The following ATP10B variants were observed in gnomAD, a reference collection of about 807,000 sequenced individuals.
ATP10B encodes the protein phospholipid-transporting ATPase VB.
Under a neutral mutation model 141.2 loss-of-function variants are expected in ATP10B, and 122 were observed. The observed-to-expected ratio is 0.86, with a 90% CI of 0.75 to 1.00. The LOEUF (loss-of-function observed/expected upper bound fraction) is 1.00. ATP10B is among the 50% of genes least tolerant of loss of function. The probability of loss-of-function intolerance (pLI) is 0.00; values close to 1 mark genes in which losing one functional copy is unlikely to be tolerated. For synonymous variants in ATP10B, 685 were observed against 692.0 expected, an observed-to-expected ratio of 0.99 and a Z score of 0.16; for missense variants, 1,876 against 1,825.3, an observed-to-expected ratio of 1.03 and a Z score of -0.51.
intron 21 of ATP10B, among the ~76,000 whole-genome samples, chr5:160,601,674 AAGGCC>A (rs999786252): frequency 7.9e-5 from 12 of 152,186 alleles, no homozygotes; most frequent in Non-Finnish European, 5.9e-5. Context: ...CTCTGACACT[AAGGCC>A]TCTTGACACA....
chr5:160,806,797 G>A (rs1206914100), intron 1 of ATP10B, among the ~76,000 whole-genome samples: 1 of 152,202 alleles, frequency 6.6e-6, no homozygotes, highest in African/African-American at 2.4e-5. Flanking sequence ...GTAAATGGCA[G>A]AGTAAAGACT....
chr5:160,847,682 T>C (rs1048611133), intron 1 of ATP10B, among the ~76,000 whole-genome samples: 2 of 152,222 alleles, frequency 1.3e-5, no homozygotes, highest in African/African-American at 4.8e-5. Flanking sequence ...TTTCTTATTA[T>C]TGTGTCAAGT....
chr5:160,688,420 T>C (rs60479144), intron 4 of ATP10B, among the ~76,000 whole-genome samples: 1,664 of 152,182 alleles, frequency 0.011, 35 homozygotes, highest in African/African-American at 0.038. Context: ...CATGGGAGCA[T>C]TGAAGTGGGT....
intron 3 of ATP10B, among the ~76,000 whole-genome samples, chr5:160,699,276 T>G (rs913626415): frequency 6.6e-6 from 1 of 152,240 alleles, no homozygotes; most frequent in Non-Finnish European, 1.5e-5. Flanking sequence ...TGATTTCACT[T>G]AAAAATTGTT....
intron 13 of ATP10B, among the ~76,000 whole-genome samples, chr5:160,623,763 C>G (rs1257323953): frequency 6.6e-6 from 1 of 152,220 alleles, no homozygotes. Flanking sequence ...GCAGTGAGAT[C>G]TTAACCAGAG....
At chr5:160,912,414 C>CAAAAAAAAA in the ATP10B span, among the ~76,000 whole-genome samples, 1 of 88,910 alleles carries the variant, frequency 1.1e-5, no homozygotes, top group African/African-American at 3.8e-5. Context: ...CTGTTTCTAC[C>CAAAAAAAAA]AAAAAAAAAA....
chr5:160,568,824 T>C (rs1159638933), intron 25 of ATP10B, among the ~76,000 whole-genome samples: 10 of 152,254 alleles, frequency 6.6e-5, no homozygotes, highest in Non-Finnish European at 1.5e-5. Flanking sequence ...TTATAGTTGC[T>C]GTTGCTATTT....
intron 19 of ATP10B, among the ~76,000 whole-genome samples, chr5:160,605,407 G>T (rs1392715804): frequency 2.6e-5 from 4 of 152,160 alleles, no homozygotes; most frequent in African/African-American, 9.7e-5. Flanking sequence ...TTCTGTTAGT[G>T]AGCCAGGAGA....
intron 2 of ATP10B, among the ~76,000 whole-genome samples, chr5:160,738,449 T>C (rs1286224603): frequency 6.6e-6 from 1 of 151,922 alleles, no homozygotes; most frequent in African/African-American, 2.4e-5. Context: ...GCATAAGAAA[T>C]GGAGATAAAA....
chr5:160,822,437 A>G (rs1349382612), intron 1 of ATP10B, among the ~76,000 whole-genome samples: 5 of 152,168 alleles, frequency 3.3e-5, no homozygotes, highest in Non-Finnish European at 5.9e-5. Flanking sequence ...TAAAACCACT[A>G]TGGAGAACAG....
At chr5:160,872,357 G>T in the ATP10B span, among the ~76,000 whole-genome samples, 2 of 152,110 alleles carry the variant, frequency 1.3e-5, no homozygotes, top group South Asian at 4.1e-4. Flanking sequence ...TGTTCCTTTT[G>T]CCAAGCAAAA....
At chr5:160,695,692 C>A (rs566521057) in intron 3 of ATP10B, among the ~76,000 whole-genome samples, 2 of 152,118 alleles carry the variant, frequency 1.3e-5, no homozygotes, top group Admixed American at 1.3e-4. Context: ...ACCCAATTCT[C>A]TAAAAAGCAT....
chr5:160,719,954 T>C (rs1239561595), intron 2 of ATP10B, among the ~76,000 whole-genome samples: 1 of 152,226 alleles, frequency 6.6e-6, no homozygotes, highest in African/African-American at 2.4e-5. Context: ...TTATGGTGGT[T>C]AGACTTTTTC....
the ATP10B span, among the ~76,000 whole-genome samples, chr5:160,894,450 A>G: frequency 6.6e-6 from 1 of 151,934 alleles, no homozygotes; most frequent in Admixed American, 6.6e-5. Flanking sequence ...AAGAAAGGAT[A>G]TCAGAGACTG....
chr5:160,577,891 G>A (rs1755298401), intron 24 of ATP10B, among the ~76,000 whole-genome samples: 1 of 151,738 alleles, frequency 6.6e-6, no homozygotes. Flanking sequence ...TCTGTTTTGA[G>A]CAAAGTTTTA....
chr5:160,691,833 A>C (rs1764092938), intron 3 of ATP10B: 1 of 152,192 alleles, frequency 6.6e-6, no homozygotes. Context: ...TGAAAAGGTA[A>C]ATGTAATTAC....
At chr5:160,908,086 A>C in the ATP10B span, among the ~76,000 whole-genome samples, 1 of 152,180 alleles carries the variant, frequency 6.6e-6, no homozygotes, top group Non-Finnish European at 1.5e-5. Flanking sequence ...GTTGTGTGTT[A>C]GAGTTAAGTA....
intron 1 of ATP10B, among the ~76,000 whole-genome samples, chr5:160,813,492 G>C (rs1343798720): frequency 2.0e-5 from 3 of 152,258 alleles, no homozygotes; most frequent in South Asian, 2.1e-4. Flanking sequence ...TGGGAAGCTC[G>C]AACTGGGTGG....
intron 1 of ATP10B, among the ~76,000 whole-genome samples, chr5:160,800,778 T>C (rs1772324090): frequency 6.6e-6 from 1 of 152,190 alleles, no homozygotes; most frequent in Admixed American, 6.5e-5. Context: ...GCAGAAAGTA[T>C]TTTCTAGCTG....
Sources: allele counts gnomAD v4.1 joint callset (sites outside exome capture counted in the v4.1 genomes callset), GRCh38; gene constraint gnomAD v4.1.1; transcripts MANE v1.5; gene names NCBI Gene and HGNC (gene_info 2026-07-23, HGNC 2026-07-21).